RGS7: variants seen among roughly 807,000 people sequenced by gnomAD.
RGS7 encodes the protein regulator of G-protein signaling 7.
RGS7 carries 27 observed loss-of-function variants against 81.1 expected under a neutral mutation model. That is an observed-to-expected ratio of 0.33 (90% CI 0.25 to 0.46). The LOEUF is 0.46. Ranked by LOEUF, RGS7 falls within the 20% of genes least tolerant of loss-of-function variation. The pLI is 1.00. For missense variants in RGS7, 396 were observed against 607.4 expected (o/e 0.65, Z 3.66); for synonymous variants, 208 against 207.7 (o/e 1.00, Z -0.01).
chr1:241,020,234 A>G (rs1272564442), intron 3 of RGS7, among the ~76,000 whole-genome samples: 1 of 152,222 alleles, frequency 6.6e-6, no homozygotes, highest in Non-Finnish European at 1.5e-5. Context: ...TAAAACACGC[A>G]TGTATTCATT....
rs73131675 is a variant in RGS7 at position 241,192,342 on chromosome 1, G to A, written c.79-93580C>T. On this transcript the variant is annotated intron_variant, in intron 2 of 18. Coordinates refer to ENST00000440928, the MANE Select transcript of RGS7 (RefSeq NM_001364886.1). ...TTTTATTTTCTGTCTGCACCTGTCCGCATTTCCAGGATTCTAGTTCTTTAG... is the reference window on the plus strand; with the variant it reads ...TTTTATTTTCTGTCTGCACCTGTCCACATTTCCAGGATTCTAGTTCTTTAG... Among the ~76,000 whole-genome samples, 288 of 151,868 alleles carry A rather than the reference G, an allele frequency of 1.9e-3. 2 individuals carry two copies. Among genetic ancestry groups the A allele is most frequent in the Middle Eastern group, 6.8e-3 (2 of 294 alleles).
chr1:241,050,784 T>A (rs551449355), intron 3 of RGS7, among the ~76,000 whole-genome samples: 1 of 152,238 alleles, frequency 6.6e-6, no homozygotes, highest in South Asian at 2.1e-4. Flanking sequence ...TAAGTATATC[T>A]TCTCTTCCTT....
At chr1:240,996,312 T>C (rs1687275582) in intron 3 of RGS7, among the ~76,000 whole-genome samples, 2 of 152,202 alleles carry the variant, frequency 1.3e-5, no homozygotes, top group South Asian at 2.1e-4. Flanking sequence ...GTCAAGCTGA[T>C]TGATCATGTT....
intron 6 of RGS7, among the ~76,000 whole-genome samples, chr1:240,877,563 A>G (rs987561791): frequency 1.3e-5 from 2 of 152,254 alleles, no homozygotes; most frequent in South Asian, 4.1e-4. Flanking sequence ...TTTTCATATC[A>G]ATAAGTGCTG....
intron 2 of RGS7, among the ~76,000 whole-genome samples, chr1:241,116,498 G>A (rs1283647259): frequency 6.6e-6 from 1 of 152,038 alleles, no homozygotes; most frequent in African/African-American, 2.4e-5. Flanking sequence ...TAATGCTGTG[G>A]ATACCTGTGA....
intron 14 of RGS7, among the ~76,000 whole-genome samples, chr1:240,809,208 T>A (rs939349977): frequency 6.6e-6 from 1 of 152,122 alleles, no homozygotes; most frequent in African/African-American, 2.4e-5. Flanking sequence ...GGGAAATACA[T>A]CATAAAATTT....
intron 3 of RGS7, among the ~76,000 whole-genome samples, chr1:241,071,073 C>T (rs76339014): frequency 0.019 from 2,824 of 152,242 alleles, 84 homozygotes; most frequent in African/African-American, 0.063. Flanking sequence ...TTCTCTGGTA[C>T]TTTTACTTTT....
At chr1:240,941,026 T>C (rs1677496866) in intron 4 of RGS7, among the ~76,000 whole-genome samples, 2 of 152,232 alleles carry the variant, frequency 1.3e-5, no homozygotes, top group African/African-American at 4.8e-5. Context: ...GATTTGATGA[T>C]ATGCATTCTC....
At chr1:241,275,052 T>G (rs1029209321) in intron 2 of RGS7, among the ~76,000 whole-genome samples, 2 of 152,250 alleles carry the variant, frequency 1.3e-5, no homozygotes, top group African/African-American at 4.8e-5. Flanking sequence ...ACAGTCAGTG[T>G]ACTATAAGTG....
At chr1:240,869,446 G>C (rs566359816) in intron 7 of RGS7, among the ~76,000 whole-genome samples, 14 of 152,296 alleles carry the variant, frequency 9.2e-5, no homozygotes, top group African/African-American at 3.4e-4. Flanking sequence ...CTCAGAGTTT[G>C]GATATCTTCA....
At chr1:240,881,581 T>C (rs564851975) in intron 6 of RGS7, among the ~76,000 whole-genome samples, 1 of 152,324 alleles carries the variant, frequency 6.6e-6, no homozygotes. Context: ...CTTTAAAATC[T>C]AGCATTAATT....
intron 2 of RGS7, among the ~76,000 whole-genome samples, chr1:241,293,935 T>C (rs546561310): frequency 1.3e-5 from 2 of 152,214 alleles, no homozygotes; most frequent in Non-Finnish European, 2.9e-5. Flanking sequence ...GCAATCCCAT[T>C]GCTGGATATA....
At chr1:241,189,436 G>C (rs999017484) in intron 2 of RGS7, among the ~76,000 whole-genome samples, 4 of 152,118 alleles carry the variant, frequency 2.6e-5, no homozygotes, top group African/African-American at 9.7e-5. Flanking sequence ...TAGATATGGG[G>C]TTTACCATTA....
At chr1:240,932,922 C>G (rs1453923815) in intron 5 of RGS7, among the ~76,000 whole-genome samples, 4 of 106,234 alleles carry the variant, frequency 3.8e-5, no homozygotes, top group Non-Finnish European at 7.1e-5. Context: ...CTCGCTCTGT[C>G]GCCCAGGCTG....
rs368495350 is a variant in RGS7, at chr1:241,011,198, G to T, written c.176-28069C>A. 1.2e-3 allele frequency among the ~76,000 whole-genome samples: 180 copies of T among 152,320 alleles called. 2 individuals carry two copies. Among genetic ancestry groups the T allele is most frequent in the African/African-American group, 4.1e-3 (172 of 41,576 alleles). On this transcript the variant is annotated intron_variant, in intron 3 of 18. Coordinates refer to ENST00000440928, the MANE Select transcript of RGS7 (RefSeq NM_001364886.1). ...TCACATTTTTAAAAAAGTTCTTGTG[G>T]TTGCAATATCCAACAAAATGTACTG...
At chr1:240,935,106 C>T (rs544308586) in intron 5 of RGS7, among the ~76,000 whole-genome samples, 92 of 151,432 alleles carry the variant, frequency 6.1e-4, no homozygotes, top group African/African-American at 2.1e-3. Flanking sequence ...ACCATGTTGG[C>T]CAGGCTGGTC....
chr1:240,902,908 A>G (rs1651160606), intron 6 of RGS7, among the ~76,000 whole-genome samples: 1 of 152,248 alleles, frequency 6.6e-6, no homozygotes. Context: ...GCAAAATGCA[A>G]CATAGTATAA....
At chr1:241,152,650 CCT>C (rs1444515876) in intron 2 of RGS7, among the ~76,000 whole-genome samples, 2 of 152,166 alleles carry the variant, frequency 1.3e-5, no homozygotes, top group African/African-American at 2.4e-5. Context: ...CATTTGGACC[CCT>C]GTGTTCAATG....
chr1:240,801,984 G>A (rs572056870), intron 16 of RGS7, among the ~76,000 whole-genome samples: 34 of 152,214 alleles, frequency 2.2e-4, no homozygotes, highest in Middle Eastern at 6.8e-3. Flanking sequence ...CCCTAGCTGT[G>A]GTTACTGAGC....
Sources: allele counts gnomAD v4.1 joint callset (sites outside exome capture counted in the v4.1 genomes callset), GRCh38; gene constraint gnomAD v4.1.1; transcripts MANE v1.5; gene names NCBI Gene and HGNC (gene_info 2026-07-23, HGNC 2026-07-21).